Variants in ERICH2 observed in about 807,000 individuals in gnomAD.
ERICH2 encodes the protein glutamate-rich protein 2.
ERICH2 carries 17 observed loss-of-function variants against 17.4 expected under a neutral mutation model. The observed-to-expected ratio is 0.98, with a 90% CI of 0.67 to 1.47. ERICH2 has a LOEUF of 1.47. ERICH2 is among the 40% of genes most tolerant of loss of function. ERICH2 has a pLI of 0.00. For missense variants in ERICH2, 186 were observed against 183.2 expected, an observed-to-expected ratio of 1.01 and a Z score of -0.09; for synonymous variants, 51 against 61.1, an observed-to-expected ratio of 0.83 and a Z score of 0.77.
intron 2 of ERICH2, 25 bp from the exon 8 acceptor site, chr2:170,792,838 A>T: frequency 6.2e-6 from 9 of 1,444,118 alleles, no homozygotes; most frequent in Non-Finnish European, 8.3e-6. Context: ...AAATTCACTT[A>T]TCTGAAGAAT....
chr2:170,778,422 C>A, the ERICH2 span, among the ~76,000 whole-genome samples: 3 of 152,086 alleles, frequency 2.0e-5, no homozygotes, highest in African/African-American at 7.2e-5. Context: ...TTTGTTTATT[C>A]TAAATATTGA....
chr2:170,796,441 T>G (rs1246564120), intron 3 of ERICH2, among the ~76,000 whole-genome samples: 1 of 5,050 alleles, frequency 2.0e-4, no homozygotes, highest in African/African-American at 3.3e-4. Context: ...TTTTTTTTTG[T>G]TTTTTTTTTT....
chr2:170,773,927 C>G, the ERICH2 span, among the ~76,000 whole-genome samples: 113 of 152,154 alleles, frequency 7.4e-4, no homozygotes, highest in African/African-American at 2.6e-3. Flanking sequence ...TTGCTGTGTT[C>G]CCCAGGCTGG....
rs1456304420 is a variant in ERICH2 at position 170,798,053 on chromosome 2, A to C, written c.287A>C (p.Glu96Ala). The C allele has an allele frequency of 1.9e-6, 3 of 1,548,156 alleles. No individual in the cohort carries two copies. In the African/African-American group the frequency reaches 4.1e-5, roughly 21 times the overall value. Residue 96 changes from glutamate (E) to alanine (A), a missense_variant, in exon 4 of 5, where the codon GAA becomes GCA. Coordinates refer to ENST00000409885, the Ensembl canonical transcript of ERICH2. ...TTTTCATTTTCAGTCCTAATCTATG[A>C]ACCAGAAAATCCTGAGGCCAAGGAG...
the ERICH2 span, chr2:170,775,552 A>G: frequency 3.9e-5 from 6 of 152,064 alleles, no homozygotes; most frequent in Admixed American, 1.3e-4. Flanking sequence ...ATGATGTTAG[A>G]TTTCTTTTGT....
intron 3 of ERICH2, among the ~76,000 whole-genome samples, chr2:170,793,758 A>G (rs978773003): frequency 3.3e-5 from 5 of 152,184 alleles, no homozygotes; most frequent in Non-Finnish European, 5.9e-5. Context: ...GAGCAATGAT[A>G]TGATCTACCT....
chr2:170,776,201 AC>A, the ERICH2 span, among the ~76,000 whole-genome samples: 4 of 152,244 alleles, frequency 2.6e-5, no homozygotes, highest in African/African-American at 4.8e-5. Context: ...AAAACATTGT[AC>A]CTTTATATTA....
chr2:170,798,801 A>T, exon 5 of ERICH2: 1 of 1,550,708 alleles, frequency 6.4e-7, no homozygotes, highest in Non-Finnish European at 8.7e-7. Flanking sequence ...AAGACGGTGA[A>T]AACAGTGATG....
At chr2:170,798,416 A>C (rs916240560) in intron 4 of ERICH2, among the ~76,000 whole-genome samples, 2 of 152,214 alleles carry the variant, frequency 1.3e-5, no homozygotes, top group African/African-American at 4.8e-5. Flanking sequence ...TTCCAAGGGA[A>C]GCCACACCCT....
the ERICH2 span, among the ~76,000 whole-genome samples, chr2:170,773,476 T>C: frequency 6.6e-6 from 1 of 152,212 alleles, no homozygotes; most frequent in African/African-American, 2.4e-5. Flanking sequence ...AAGAATTTGA[T>C]TGGTCCTGGT....
chr2:170,789,193 G>A (rs1237918209), intron 2 of ERICH2, among the ~76,000 whole-genome samples: 1 of 150,756 alleles, frequency 6.6e-6, no homozygotes, highest in East Asian at 2.0e-4. Flanking sequence ...TCGAACTCCT[G>A]GCCTCAGGTG....
chr2:170,774,583 T>TTTA, the ERICH2 span, among the ~76,000 whole-genome samples: 1 of 141,316 alleles, frequency 7.1e-6, no homozygotes. Context: ...TTTTTTTTTT[T>TTTA]GAGATGAAGT....
the ERICH2 span, among the ~76,000 whole-genome samples, chr2:170,776,409 G>T: frequency 6.6e-6 from 1 of 152,100 alleles, no homozygotes; most frequent in Non-Finnish European, 1.5e-5. Context: ...ACAGAGTCTC[G>T]CTCTGTTGCC....
chr2:170,781,707 C>T (rs1701033978), upstream of ERICH2, among the ~76,000 whole-genome samples: 1 of 91,694 alleles, frequency 1.1e-5, no homozygotes, highest in African/African-American at 3.0e-5. Flanking sequence ...GAGGGCACCT[C>T]ATTAAGAATT....
chr2:170,783,907 G>A, intron 1 of ERICH2: 1 of 1,550,396 alleles, frequency 6.4e-7, no homozygotes, highest in South Asian at 1.2e-5. Context: ...CATACTCTTG[G>A]AAGAACTTGA....
chr2:170,794,209 T>G (rs1422710215), intron 3 of ERICH2, among the ~76,000 whole-genome samples: 1 of 144,564 alleles, frequency 6.9e-6, no homozygotes, highest in Non-Finnish European at 1.5e-5. Context: ...TGAGTTCAAG[T>G]GATTCTTATG....
chr2:170,773,839 C>T, the ERICH2 span, among the ~76,000 whole-genome samples: 1 of 152,124 alleles, frequency 6.6e-6, no homozygotes, highest in Non-Finnish European at 1.5e-5. Flanking sequence ...CATCCTCCTA[C>T]CTCAGCCTCT....
chr2:170,775,606 G>C, the ERICH2 span: 1 of 152,070 alleles, frequency 6.6e-6, no homozygotes, highest in Non-Finnish European at 1.5e-5. Context: ...CGTCTTTGGA[G>C]CTTTGCTGCC....
In ERICH2 at chr2:170,798,014, C is replaced by T. The variant is rs140359262; in HGVS notation, c.275-27C>T. 3.2e-5 allele frequency: 48 copies of T among 1,489,424 alleles called. No homozygotes were observed. The African/African-American group carries it at 5.8e-4, about 18-fold the overall frequency. 92.3% of individuals were successfully genotyped at this position (1,489,424 alleles called of 1,614,324 possible). A position where few individuals can be genotyped will look rare whatever the true frequency, so the allele number is the denominator to read the frequency against. ...TGCAACACTGAACGTTAATAACACA[C>T]ATTCTGTTGTCCATTTTCATTTTCA... On this transcript the variant is annotated intron_variant, in intron 3 of 4. Coordinates refer to ENST00000409885, the Ensembl canonical transcript of ERICH2.
Sources: gnomAD v4.1 joint callset for allele counts (sites outside exome capture counted in the v4.1 genomes callset) on GRCh38, gnomAD v4.1.1 for gene constraint, MANE v1.5 for transcripts, NCBI Gene and HGNC (gene_info 2026-07-23, HGNC 2026-07-21) for gene names.